PHF24: variants seen among roughly 807,000 people sequenced by gnomAD.
PHF24 encodes the protein Galpha inhibitory interacting protein.
PHF24 carries 25 observed loss-of-function variants against 42.6 expected under a neutral mutation model. The observed-to-expected ratio is 0.59, with a 90% CI of 0.43 to 0.82. The LOEUF is 0.82. Ranked by LOEUF, PHF24 falls within the 40% of genes least tolerant of loss-of-function variation. The probability of loss-of-function intolerance (pLI) is 0.00; values close to 1 mark genes in which losing one functional copy is unlikely to be tolerated. For synonymous variants in PHF24, 185 were observed against 204.8 expected, an observed-to-expected ratio of 0.90 and a Z score of 0.83; for missense variants, 470 against 538.1, an observed-to-expected ratio of 0.87 and a Z score of 1.25.
At chr9:34,872,870 TG>T in the PHF24 span, among the ~76,000 whole-genome samples, 2 of 136,842 alleles carry the variant, frequency 1.5e-5, no homozygotes, top group Non-Finnish European at 3.2e-5. Context: ...CAGCACCTGT[TG>T]TTTCCTGACT....
the PHF24 span, among the ~76,000 whole-genome samples, chr9:34,864,841 T>C: frequency 0.016 from 2,374 of 152,030 alleles, 61 homozygotes; most frequent in African/African-American, 0.054. Context: ...TTTCAAAACA[T>C]GGACAGTATA....
the PHF24 span, among the ~76,000 whole-genome samples, chr9:34,676,765 C>T: frequency 6.6e-5 from 10 of 152,282 alleles, no homozygotes; most frequent in East Asian, 1.9e-4. Flanking sequence ...CTTACAATCA[C>T]GGCAGAAGCT....
At chr9:34,747,812 G>A in the PHF24 span, among the ~76,000 whole-genome samples, 1 of 152,076 alleles carries the variant, frequency 6.6e-6, no homozygotes, top group Non-Finnish European at 1.5e-5. Flanking sequence ...ATACTCAAGA[G>A]AAACACACAC....
At chr9:34,724,154 G>C in the PHF24 span, 6 of 1,550,416 alleles carry the variant, frequency 3.9e-6, no homozygotes, top group Non-Finnish European at 5.2e-6. Context: ...AGGGCTTTGA[G>C]GCTCAGGGCC....
the PHF24 span, among the ~76,000 whole-genome samples, chr9:34,758,391 G>A: frequency 1.3e-5 from 2 of 152,092 alleles, no homozygotes; most frequent in African/African-American, 4.8e-5. The surrounding 1 kb of genome is among the most constrained non-coding windows in gnomAD (Gnocchi z 4.4). Context: ...CTGGCTTAAG[G>A]GCGGGTTCAC....
rs921568741 is a variant in PHF24 at position 34,977,020 on chromosome 9, T to C, written c.850-63T>C. On this transcript the variant is annotated intron_variant, in intron 5 of 7. Coordinates refer to ENST00000242315, the Ensembl canonical transcript of PHF24. Reference sequence around the variant, plus strand: ...GCAAAGGTGGTAATGGAGATAGGATTCTCTATGGCTTGGCAGTTTACAAGA... The same window carrying C: ...GCAAAGGTGGTAATGGAGATAGGATCCTCTATGGCTTGGCAGTTTACAAGA... 7 of 1,507,134 alleles carry C rather than the reference T, an allele frequency of 4.6e-6. No individual in the cohort carries two copies. The African/African-American group carries it at 9.8e-5, about 21-fold the overall frequency. The allele number at this position is 1,507,134 out of a possible 1,614,324, so 93.4% of individuals were successfully genotyped here. A position where few individuals can be genotyped will look rare whatever the true frequency, so the allele number is the denominator to read the frequency against.
At chr9:34,760,905 T>C in the PHF24 span, among the ~76,000 whole-genome samples, 3 of 151,942 alleles carry the variant, frequency 2.0e-5, no homozygotes, top group Non-Finnish European at 4.4e-5. Flanking sequence ...GGTGGGAGGA[T>C]TGCTTCAGCC....
chr9:34,865,435 G>C, the PHF24 span, among the ~76,000 whole-genome samples: 2 of 150,796 alleles, frequency 1.3e-5, no homozygotes, highest in Non-Finnish European at 3.0e-5. Context: ...GTGGTGGTGG[G>C]CACCTGTAAT....
the PHF24 span, among the ~76,000 whole-genome samples, chr9:34,910,571 G>A: frequency 1.3e-5 from 2 of 152,092 alleles, no homozygotes; most frequent in African/African-American, 4.8e-5. Context: ...TATATAATTT[G>A]TATTTGTCAA....
chr9:34,886,904 C>A, the PHF24 span, among the ~76,000 whole-genome samples: 1 of 152,014 alleles, frequency 6.6e-6, no homozygotes, highest in African/African-American at 2.4e-5. Context: ...CTTCCCTGAA[C>A]TCCAGGCTCA....
At chr9:34,791,530 G>T in the PHF24 span, among the ~76,000 whole-genome samples, 4 of 150,644 alleles carry the variant, frequency 2.7e-5, no homozygotes, top group Admixed American at 2.0e-4. Flanking sequence ...GAATATAATA[G>T]TATTGAAAGT....
exon 8 of PHF24, chr9:34,978,180 A>G: frequency 8.2e-7 from 1 of 1,220,184 alleles, no homozygotes; most frequent in Non-Finnish European, 1.2e-6. Flanking sequence ...CCCTTCCCCC[A>G]CCAACCTCTG....
At chr9:34,763,908 G>T in the PHF24 span, among the ~76,000 whole-genome samples, 5 of 152,132 alleles carry the variant, frequency 3.3e-5, no homozygotes, top group Admixed American at 2.0e-4. Context: ...TTAGCACGAA[G>T]GGTTGTTGAA....
At chr9:34,742,622 GTC>G in the PHF24 span, among the ~76,000 whole-genome samples, 2 of 151,886 alleles carry the variant, frequency 1.3e-5, no homozygotes, top group East Asian at 1.9e-4. Context: ...TAGAGACAGG[GTC>G]TCTCTATGTT....
At chr9:34,764,544 AT>A in the PHF24 span, among the ~76,000 whole-genome samples, 3 of 151,676 alleles carry the variant, frequency 2.0e-5, no homozygotes, top group Non-Finnish European at 4.4e-5. Flanking sequence ...CGGTGGTGAT[AT>A]CCCCTTTATC....
the PHF24 span, among the ~76,000 whole-genome samples, chr9:34,789,495 C>T: frequency 5.3e-5 from 8 of 152,144 alleles, no homozygotes; most frequent in Non-Finnish European, 1.2e-4. Flanking sequence ...TACAGAAGCC[C>T]ATCTTGGCTG....
chr9:34,780,288 TTCTTTTTTTC>T, the PHF24 span, among the ~76,000 whole-genome samples: 26 of 126,642 alleles, frequency 2.1e-4, no homozygotes, highest in Non-Finnish European at 3.8e-4. Context: ...TTTCTTTTTT[TTCTTTTTTTC>T]TTTTTTTTTT....
At position 34,972,543 on chromosome 9, in the gene PHF24, C is replaced by T. The variant is rs963499721; in HGVS notation, c.564+12C>T. ...GCTGCCACTACTGTGTAAGTCTGGA[C>T]TGCAGGGACAGCAGAGGACTTGGCA... On this transcript the variant is annotated intron_variant, in intron 3 of 7. Coordinates refer to ENST00000242315, the Ensembl canonical transcript of PHF24. 4 of 1,591,538 alleles carry T rather than the reference C, an allele frequency of 2.5e-6. No homozygotes were observed. Among genetic ancestry groups the T allele is most frequent in the Admixed American group, 1.7e-5 (1 of 57,932 alleles).
At chr9:34,831,912 A>G in the PHF24 span, among the ~76,000 whole-genome samples, 21 of 152,294 alleles carry the variant, frequency 1.4e-4, no homozygotes, top group African/African-American at 5.1e-4. Flanking sequence ...TATCATCTGG[A>G]TCTGACATCT....
Sources: allele counts gnomAD v4.1 joint callset (sites outside exome capture counted in the v4.1 genomes callset), GRCh38; gene constraint gnomAD v4.1.1; non-coding constraint Gnocchi (gnomAD v3.1); transcripts MANE v1.5; gene names NCBI Gene and HGNC (gene_info 2026-07-23, HGNC 2026-07-21).